The following BAZ2B variants were observed in gnomAD, a reference collection of about 807,000 sequenced individuals.
The protein encoded by BAZ2B is bromodomain adjacent to zinc finger domain protein 2B.
In BAZ2B, 91 loss-of-function variants were observed where a neutral mutation model predicts 246.0. That is an observed-to-expected ratio of 0.37 (90% CI 0.31 to 0.44). The LOEUF is 0.44. BAZ2B is among the 20% of genes least tolerant of loss of function. The pLI is 1.00. For missense variants in BAZ2B, 2,332 were observed against 2,533.7 expected (o/e 0.92, Z 1.71); for synonymous variants, 855 against 860.0 (o/e 0.99, Z 0.10).
rs1365928490 is a variant in BAZ2B at position 159,482,777 on chromosome 2, AAT to A, written c.-2-4058_-2-4057del. Among the ~76,000 whole-genome samples, 10 of 152,334 alleles carry A rather than the reference AAT, an allele frequency of 6.6e-5. No homozygotes were observed. The South Asian group carries it at 8.3e-4, about 13-fold the overall frequency. ...ATTAATACATTCATTTTGTTGACAA[AAT>A]ATGTTATCATGAGTTACTATTTATA... is the stretch of plus-strand genomic sequence containing the variant. On this transcript the variant is annotated intron_variant, in intron 2 of 36. Coordinates refer to ENST00000392783, the MANE Select transcript of BAZ2B (RefSeq NM_013450.4).
intron 22 of BAZ2B, 40 bp downstream of exon 22, chr2:159,386,313 A>G: frequency 6.5e-7 from 1 of 1,536,134 alleles, no homozygotes; most frequent in Non-Finnish European, 8.8e-7. Context: ...ATGCACTGAC[A>G]GTACAAATTT....
chr2:159,691,337 T>A, the BAZ2B span, among the ~76,000 whole-genome samples: 1 of 152,206 alleles, frequency 6.6e-6, no homozygotes, highest in Admixed American at 6.5e-5. Flanking sequence ...CCCCAAAAAC[T>A]TAACTAATAA....
At chr2:159,557,743 G>A (rs2089365492) in intron 1 of BAZ2B, among the ~76,000 whole-genome samples, 1 of 152,152 alleles carries the variant, frequency 6.6e-6, no homozygotes, top group Non-Finnish European at 1.5e-5. Context: ...CTGAATGAAT[G>A]AGTGAACAAG....
At chr2:159,554,329 G>A (rs1294128706) in intron 2 of BAZ2B, among the ~76,000 whole-genome samples, 1 of 151,992 alleles carries the variant, frequency 6.6e-6, no homozygotes, top group Non-Finnish European at 1.5e-5. Flanking sequence ...TTCCTTGATT[G>A]TAAAGCACTA....
At chr2:159,652,500 G>A in the BAZ2B span, among the ~76,000 whole-genome samples, 5 of 151,928 alleles carry the variant, frequency 3.3e-5, no homozygotes, top group Admixed American at 1.3e-4. Context: ...GTGAGCCACC[G>A]CGCCTGGCCA....
chr2:159,462,671 T>C lies in BAZ2B; in HGVS notation c.146-8870A>G, dbSNP rs552581450. 1.8e-5 allele frequency: 21 copies of C among 1,172,936 alleles called. No individual in the cohort carries two copies. The Admixed American group carries it at 3.4e-4, about 19-fold the overall frequency. The allele number at this position is 1,172,936 out of a possible 1,614,324, so 72.7% of individuals were successfully genotyped here. A position where few individuals can be genotyped will look rare whatever the true frequency, so the allele number is the denominator to read the frequency against. ...ACTGCCATCTTCGTAATAGTGAACCTGAATCTTAAGCACTCCAACCACCTG... is the reference window on the plus strand; with the variant it reads ...ACTGCCATCTTCGTAATAGTGAACCCGAATCTTAAGCACTCCAACCACCTG... On this transcript the variant is annotated intron_variant, in intron 3 of 36. Coordinates refer to ENST00000392783, the MANE Select transcript of BAZ2B (RefSeq NM_013450.4).
intron 1 of BAZ2B, among the ~76,000 whole-genome samples, chr2:159,585,818 C>G (rs1687895009): frequency 6.6e-6 from 1 of 152,362 alleles, no homozygotes; most frequent in Admixed American, 6.5e-5. Context: ...AGCCAGACTG[C>G]TTTCAAGTTT....
chr2:159,488,599 A>G (rs1453799744), intron 2 of BAZ2B, among the ~76,000 whole-genome samples: 2 of 152,184 alleles, frequency 1.3e-5, no homozygotes, highest in Non-Finnish European at 2.9e-5. Context: ...ATAAATGACT[A>G]ATTTGTTTTT....
chr2:159,349,715 G>A lies in BAZ2B; in HGVS notation c.4856C>T (p.Pro1619Leu), dbSNP rs1192072340. The A allele has an allele frequency of 1.2e-6, 2 of 1,612,336 alleles. No individual in the cohort carries two copies. The highest frequency in any genetic ancestry group is 1.6e-4 in the Middle Eastern group (1 of 6,062). Residue 1619 changes from proline to leucine, a missense_variant, in exon 28 of 37, where the codon CCT becomes CTT. By Grantham distance (98) the Pro-to-Leu change is moderately conservative (BLOSUM62 -3). Around this residue, in one of 9 missense-constraint regions of BAZ2B, gnomAD observed 676 missense variants for 668.6 expected, o/e 1.01. Coordinates refer to ENST00000392783, the MANE Select transcript of BAZ2B (RefSeq NM_013450.4). ...PVGLNPFALS[P>L]LQVKGGVSMM... ...ACAGTTAGCAGTACTAACCTGAAGA[G>A]GTGATAAAGCAAATGGATTTAAGCC...
At chr2:159,390,975 A>G (rs1385859870) in intron 20 of BAZ2B, among the ~76,000 whole-genome samples, 1 of 152,162 alleles carries the variant, frequency 6.6e-6, no homozygotes, top group African/African-American at 2.4e-5. Context: ...AAATCAAATT[A>G]TTAGTTAATA....
At chr2:159,659,237 G>A in the BAZ2B span, among the ~76,000 whole-genome samples, 2 of 152,168 alleles carry the variant, frequency 1.3e-5, no homozygotes, top group African/African-American at 2.4e-5. Context: ...GTCAGCCAAC[G>A]GTTGTGGCTC....
At chr2:159,323,942 AAAAC>A (rs1326441883) in intron 36 of BAZ2B, among the ~76,000 whole-genome samples, 3 of 152,330 alleles carry the variant, frequency 2.0e-5, no homozygotes, top group South Asian at 2.1e-4. Context: ...AAAAAATAAT[AAAAC>A]AAAACAGACA....
intron 1 of BAZ2B, among the ~76,000 whole-genome samples, chr2:159,603,655 CT>C (rs1692713649): frequency 6.6e-6 from 1 of 151,190 alleles, no homozygotes. Flanking sequence ...TACCAAATTT[CT>C]TTTCCTCCTC....
intron 1 of BAZ2B, among the ~76,000 whole-genome samples, chr2:159,563,613 A>G (rs1411893882): frequency 1.3e-5 from 2 of 152,226 alleles, no homozygotes; most frequent in Non-Finnish European, 2.9e-5. Context: ...TGTGGTACCC[A>G]GAATAGTCAA....
intron 35 of BAZ2B, 139 bp from the exon 36 acceptor site, chr2:159,325,093 T>TCAC (rs1558943374): frequency 1.5e-4 from 1 of 6,562 alleles, no homozygotes; most frequent in Non-Finnish European, 2.9e-4. Flanking sequence ...ATATATATAT[T>TCAC]ATATATATAT....
chr2:159,386,273 CT>C (rs1476741170), intron 22 of BAZ2B, 79 bp downstream of exon 22: 1 of 1,337,610 alleles, frequency 7.5e-7, no homozygotes, highest in Non-Finnish European at 1.0e-6. Context: ...TCTATATAAT[CT>C]TCTGCTAATA....
chr2:159,575,934 C>T (rs1192373715), intron 1 of BAZ2B, among the ~76,000 whole-genome samples: 1 of 152,098 alleles, frequency 6.6e-6, no homozygotes, highest in Admixed American at 6.5e-5. Flanking sequence ...GGACAGAAAG[C>T]TCAATTCTAC....
chr2:159,627,298 G>A, the BAZ2B span, among the ~76,000 whole-genome samples: 400 of 151,452 alleles, frequency 2.6e-3, 3 homozygotes, highest in African/African-American at 9.2e-3. Flanking sequence ...AGAAAAAGAG[G>A]GAATCCTCCC....
At chr2:159,375,506 G>GC (rs2061327208) in intron 25 of BAZ2B, among the ~76,000 whole-genome samples, 1 of 152,178 alleles carries the variant, frequency 6.6e-6, no homozygotes, top group Non-Finnish European at 1.5e-5. Context: ...ATTTTGAAGA[G>GC]CTGTAAATGC....
Sources: gnomAD v4.1 joint callset for allele counts (sites outside exome capture counted in the v4.1 genomes callset) on GRCh38, gnomAD v4.1.1 for gene constraint, gnomAD v4.1.1 regional missense constraint, MANE v1.5 for transcripts, NCBI Gene and HGNC (gene_info 2026-07-23, HGNC 2026-07-21) for gene names.